The following ADAMTSL3 variants were observed in gnomAD, a reference collection of about 807,000 sequenced individuals.
ADAMTSL3 encodes ADAMTS-like protein 3.
A neutral mutation model predicts 201.7 loss-of-function variants in ADAMTSL3; 128 were observed. The ratio of observed to expected loss-of-function variants is 0.63; its 90% confidence interval spans 0.55 to 0.73. The LOEUF is 0.73. ADAMTSL3 is among the 30% of genes least tolerant of loss of function. The pLI is 0.00. For synonymous variants in ADAMTSL3, 738 were observed against 748.4 expected (o/e 0.99, Z 0.23); for missense variants, 1,990 against 2,119.6 (o/e 0.94, Z 1.20).
chr15:84,001,061 G>A (rs956315058), intron 23 of ADAMTSL3, among the ~76,000 whole-genome samples: 16 of 152,178 alleles, frequency 1.1e-4, no homozygotes, highest in African/African-American at 3.9e-4. Context: ...TAAATTGAAC[G>A]CAACTAAATT....
chr15:84,030,282 G>A (rs12901010), intron 27 of ADAMTSL3, among the ~76,000 whole-genome samples: 24,892 of 152,158 alleles, frequency 0.16, 2,662 homozygotes, highest in Middle Eastern at 0.36. Flanking sequence ...GCAGCCAGGA[G>A]TGAGGACTGT....
intron 16 of ADAMTSL3, among the ~76,000 whole-genome samples, chr15:83,921,334 A>G (rs1276578927): frequency 1.3e-5 from 2 of 152,220 alleles, no homozygotes; most frequent in East Asian, 1.9e-4. Context: ...TCAAGAAAGC[A>G]TAGTGTATCT....
In ADAMTSL3 at chr15:83,757,180, G is replaced by A. The variant is rs376585169; in HGVS notation, c.190-16343G>A. Among the ~76,000 whole-genome samples, 34 of 152,310 alleles carry A rather than the reference G, an allele frequency of 2.2e-4. 1 individual carries two copies. In the South Asian group the frequency reaches 3.5e-3, roughly 16 times the overall value. On this transcript the variant is annotated intron_variant, in intron 3 of 29. Coordinates refer to ENST00000286744, the MANE Select transcript of ADAMTSL3 (RefSeq NM_207517.3). ...CCAGTGGTGACTCTGTGTGGGGCCC[G>A]CACCCCAAATTTCCCTTCTTCACTG...
chr15:83,933,033 C>A, intron 17 of ADAMTSL3, among the ~76,000 whole-genome samples: 1 of 152,078 alleles, frequency 6.6e-6, no homozygotes, highest in East Asian at 1.9e-4. Flanking sequence ...CACATTGAAC[C>A]ATCTGAAACT....
chr15:83,667,872 A>G (rs2061270690), intron 2 of ADAMTSL3, among the ~76,000 whole-genome samples: 1 of 152,044 alleles, frequency 6.6e-6, no homozygotes, highest in Non-Finnish European at 1.5e-5. Context: ...TGGAAGAGCA[A>G]CCCTTTCCAT....
intron 5 of ADAMTSL3, among the ~76,000 whole-genome samples, chr15:83,816,831 C>T (rs2063778980): frequency 6.6e-6 from 1 of 152,154 alleles, no homozygotes; most frequent in Non-Finnish European, 1.5e-5. Context: ...CATGGCAAAA[C>T]TGTCTCTACA....
intron 20 of ADAMTSL3, among the ~76,000 whole-genome samples, chr15:83,973,544 A>T (rs2067231698): frequency 6.6e-6 from 1 of 152,110 alleles, no homozygotes; most frequent in Admixed American, 6.5e-5. Context: ...CTAATTTGAT[A>T]TGTTTCATAT....
intron 19 of ADAMTSL3, among the ~76,000 whole-genome samples, chr15:83,951,069 G>A (rs928146847): frequency 4.6e-5 from 7 of 150,620 alleles, no homozygotes; most frequent in African/African-American, 9.8e-5. Flanking sequence ...TAACAGTGGC[G>A]AAAGTGAGCA....
chr15:83,921,975 A>AT (rs1483612658), intron 16 of ADAMTSL3, among the ~76,000 whole-genome samples: 1 of 152,172 alleles, frequency 6.6e-6, no homozygotes, highest in Admixed American at 6.5e-5. Context: ...GAAGTAAGGG[A>AT]TGTTGCCTCA....
intron 19 of ADAMTSL3, among the ~76,000 whole-genome samples, chr15:83,953,701 CA>C (rs2066798675): frequency 6.6e-6 from 1 of 152,152 alleles, no homozygotes; most frequent in Admixed American, 6.5e-5. Flanking sequence ...CTCCCTTTAG[CA>C]TTTCTTATAG....
At chr15:83,780,806 C>T (rs1327558860) in intron 4 of ADAMTSL3, among the ~76,000 whole-genome samples, 2 of 152,278 alleles carry the variant, frequency 1.3e-5, no homozygotes, top group East Asian at 3.9e-4. Flanking sequence ...CATTCTTATA[C>T]ACCAACAGTC....
At chr15:83,678,957 TAGTG>T (rs2061443437) in intron 2 of ADAMTSL3, among the ~76,000 whole-genome samples, 1 of 149,838 alleles carries the variant, frequency 6.7e-6, no homozygotes, top group African/African-American at 2.4e-5. Flanking sequence ...TGTTCTGTGA[TAGTG>T]AAAGTATCAT....
intron 3 of ADAMTSL3, 115 bp from the exon 4 acceptor site, chr15:83,773,408 T>TAAA (rs879149949): frequency 1.1e-5 from 11 of 976,936 alleles, no homozygotes; most frequent in African/African-American, 1.7e-5. Context: ...CTGTCTCAAT[T>TAAA]AAAAAAAAAA....
chr15:83,976,161 G>T (rs1244688923), intron 20 of ADAMTSL3, among the ~76,000 whole-genome samples: 2 of 152,154 alleles, frequency 1.3e-5, no homozygotes, highest in Non-Finnish European at 2.9e-5. Context: ...GGTGGTGAGT[G>T]GGGAGAGGTA....
intron 29 of ADAMTSL3, 119 bp downstream of exon 29, chr15:84,037,106 G>T (rs2068526098): frequency 9.4e-7 from 1 of 1,067,020 alleles, no homozygotes; most frequent in Admixed American, 2.4e-5. Flanking sequence ...CCCAACTGAG[G>T]GGCTATTCAG....
chr15:83,771,476 T>G (rs921949572), intron 3 of ADAMTSL3, among the ~76,000 whole-genome samples: 1 of 152,192 alleles, frequency 6.6e-6, no homozygotes, highest in Non-Finnish European at 1.5e-5. Flanking sequence ...GCAACCACTA[T>G]TGTACTTTCT....
At chr15:83,789,439 T>G (rs2063311853) in intron 4 of ADAMTSL3, among the ~76,000 whole-genome samples, 1 of 152,134 alleles carries the variant, frequency 6.6e-6, no homozygotes, top group South Asian at 2.1e-4. Context: ...CTTTTAAATT[T>G]TTTTTTTGTC....
chr15:83,693,532 A>T (rs2061640876), intron 2 of ADAMTSL3, among the ~76,000 whole-genome samples: 1 of 152,132 alleles, frequency 6.6e-6, no homozygotes, highest in South Asian at 2.1e-4. Context: ...GACCCTTTGA[A>T]ATCTCCAAGG....
At position 83,714,832 on chromosome 15, in the gene ADAMTSL3, CTCTT is replaced by C. The variant is rs1452679971; in HGVS notation, c.189+10332_189+10335del. On this transcript the variant is annotated intron_variant, in intron 3 of 29. Transcript: ENST00000286744. ...CTTCTTTCTTTCTTTCCTTCTCTCT[CTCTT>C]TCTTTCTCTCTCTTTCCCTCCCTCC... is the stretch of plus-strand genomic sequence containing the variant. 1.1e-3 allele frequency among the ~76,000 whole-genome samples: 141 copies of C among 134,030 alleles called. 3 individuals carry two copies. Among genetic ancestry groups the C allele is most frequent in the African/African-American group, 3.8e-3 (135 of 35,734 alleles). The allele number at this position is 134,030 out of a possible 152,430, so 87.9% of individuals were successfully genotyped here.
Sources: allele counts gnomAD v4.1 joint callset (sites outside exome capture counted in the v4.1 genomes callset), GRCh38; gene constraint gnomAD v4.1.1; transcripts MANE v1.5; gene names NCBI Gene and HGNC (gene_info 2026-07-23, HGNC 2026-07-21).